Variants in PLCB1 observed in about 807,000 individuals in gnomAD.
PLCB1 encodes 1-phosphatidylinositol 4,5-bisphosphate phosphodiesterase beta-1.
A neutral mutation model predicts 161.8 loss-of-function variants in PLCB1; 46 were observed. The observed-to-expected ratio is 0.28, with a 90% CI of 0.22 to 0.36. PLCB1 has a LOEUF of 0.36. PLCB1 is among the 10% of genes least tolerant of loss of function. The pLI is 1.00. For missense variants in PLCB1, 1,016 were observed against 1,472.5 expected, an observed-to-expected ratio of 0.69 and a Z score of 5.07; for synonymous variants, 517 against 503.7, an observed-to-expected ratio of 1.03 and a Z score of -0.35.
At chr20:8,774,454 C>T (rs1982844541) in intron 26 of PLCB1, 85 bp from the exon 27 acceptor site, 1 of 1,328,476 alleles carries the variant, frequency 7.5e-7, no homozygotes. Context: ...AGAGAACTTT[C>T]TCTAGGAGGA....
intron 3 of PLCB1, among the ~76,000 whole-genome samples, chr20:8,618,676 T>C (rs924895530): frequency 3.3e-5 from 5 of 152,190 alleles, no homozygotes; most frequent in African/African-American, 7.2e-5. Flanking sequence ...TGTGTTTTGA[T>C]GGATCAATAG....
intron 2 of PLCB1, among the ~76,000 whole-genome samples, chr20:8,258,842 G>A (rs936301450): frequency 6.6e-6 from 1 of 151,964 alleles, no homozygotes; most frequent in Non-Finnish European, 1.5e-5. Flanking sequence ...AAAGGTACCT[G>A]TATGTGTCTA....
intron 3 of PLCB1, among the ~76,000 whole-genome samples, chr20:8,498,565 T>G (rs73899113): frequency 0.03 from 4,631 of 152,190 alleles, 237 homozygotes; most frequent in African/African-American, 0.11. Context: ...GATCACAATC[T>G]CAAGGCGGCG....
At chr20:8,531,082 A>G (rs1013333031) in intron 3 of PLCB1, among the ~76,000 whole-genome samples, 2 of 152,110 alleles carry the variant, frequency 1.3e-5, no homozygotes, top group African/African-American at 4.8e-5. Context: ...AAATTAAACT[A>G]GATTTAGAAG....
intron 3 of PLCB1, among the ~76,000 whole-genome samples, chr20:8,487,515 G>A (rs1244517794): frequency 6.6e-6 from 1 of 152,130 alleles, no homozygotes; most frequent in Non-Finnish European, 1.5e-5. Flanking sequence ...GTGTAGAAGG[G>A]TTTTCAAGAA....
intron 12 of PLCB1, among the ~76,000 whole-genome samples, chr20:8,714,116 C>A (rs6133610): frequency 1.3e-5 from 2 of 151,976 alleles, no homozygotes; most frequent in African/African-American, 4.8e-5. Flanking sequence ...CTTAATCAAT[C>A]GCAGTGGTTT....
intron 3 of PLCB1, among the ~76,000 whole-genome samples, chr20:8,469,472 A>G (rs1415985063): frequency 2.0e-5 from 3 of 152,130 alleles, no homozygotes; most frequent in Non-Finnish European, 4.4e-5. Context: ...TGTTTTAACC[A>G]TCGTTATTTA....
rs796378521 is a variant in PLCB1 at position 8,457,714 on chromosome 20, G to A, written c.246+86264G>A. ...CTACTTATACCCCTAATGTGTGCGC[G>A]CACACACACACACACACACACACAC... On this transcript the variant is annotated intron_variant, in intron 3 of 31. Transcript: ENST00000338037. Among the ~76,000 whole-genome samples, 371 of 145,854 alleles carry A rather than the reference G, an allele frequency of 2.5e-3. 1 individual carries two copies. Among genetic ancestry groups the A allele is most frequent in the African/African-American group, 8.8e-3 (345 of 39,274 alleles).
At chr20:8,268,999 CT>C (rs1982131257) in intron 2 of PLCB1, among the ~76,000 whole-genome samples, 1 of 152,152 alleles carries the variant, frequency 6.6e-6, no homozygotes, top group South Asian at 2.1e-4. Flanking sequence ...GGGACATCAA[CT>C]TTGCTTCAGA....
At chr20:8,275,250 A>AGAGTGTGTGT (rs369863898) in intron 2 of PLCB1, among the ~76,000 whole-genome samples, 1 of 145,372 alleles carries the variant, frequency 6.9e-6, no homozygotes, top group African/African-American at 2.6e-5. Context: ...CATCAGCGTG[A>AGAGTGTGTGT]GTGTGTGTGT....
intron 31 of PLCB1, among the ~76,000 whole-genome samples, chr20:8,803,193 A>G (rs1436727190): frequency 6.6e-6 from 1 of 151,712 alleles, no homozygotes; most frequent in African/African-American, 2.4e-5. Context: ...TTACTTGGAC[A>G]TCCTGTTAAA....
intron 3 of PLCB1, among the ~76,000 whole-genome samples, chr20:8,445,095 G>T (rs1385263451): frequency 5.3e-5 from 8 of 152,032 alleles, no homozygotes; most frequent in Non-Finnish European, 1.2e-4. Context: ...CATTGCTTTT[G>T]GTGTTTTAGA....
rs568285067 is a variant in PLCB1 at position 8,428,071 on chromosome 20, A to G, written c.246+56621A>G. On this transcript the variant is annotated intron_variant, in intron 3 of 31. Coordinates refer to ENST00000338037, the MANE Select transcript of PLCB1 (RefSeq NM_015192.4). ...GATTAATTTTATAAAGTTTATAGGGATGGTTTCAAAACAAAGGAAAACAGA... is the reference window on the plus strand; with the variant it reads ...GATTAATTTTATAAAGTTTATAGGGGTGGTTTCAAAACAAAGGAAAACAGA... Among the ~76,000 whole-genome samples, 14 of 152,272 alleles carry G rather than the reference A, an allele frequency of 9.2e-5. No individual in the cohort carries two copies. The East Asian group carries it at 2.7e-3, about 29-fold the overall frequency.
chr20:8,211,742 C>A (rs912716055), intron 2 of PLCB1, among the ~76,000 whole-genome samples: 2 of 152,056 alleles, frequency 1.3e-5, no homozygotes, highest in African/African-American at 2.4e-5. Context: ...TTTCTCTTAA[C>A]ATCTATTGCA....
At chr20:8,405,370 A>G (rs548260585) in intron 3 of PLCB1, among the ~76,000 whole-genome samples, 1 of 152,308 alleles carries the variant, frequency 6.6e-6, no homozygotes, top group East Asian at 1.9e-4. Flanking sequence ...AAAGCAGAAC[A>G]GTAAGAGACA....
chr20:8,739,196 C>G, intron 20 of PLCB1, 65 bp from the exon 21 acceptor site: 4 of 979,350 alleles, frequency 4.1e-6, no homozygotes, highest in South Asian at 3.8e-5. Context: ...TGAATAATAC[C>G]TTTCTAATTA....
intron 3 of PLCB1, among the ~76,000 whole-genome samples, chr20:8,376,789 A>G (rs191029790): frequency 1.2e-3 from 182 of 152,074 alleles, no homozygotes; most frequent in Admixed American, 2.2e-3. Context: ...TTAGCTGGGC[A>G]TGGTGGCAGG....
intron 3 of PLCB1, among the ~76,000 whole-genome samples, chr20:8,585,100 C>T (rs182628190): frequency 2.2e-4 from 33 of 152,280 alleles, no homozygotes; most frequent in Admixed American, 5.2e-4. Context: ...TTGCCCATGC[C>T]ATGGCCAGGG....
intron 2 of PLCB1, among the ~76,000 whole-genome samples, chr20:8,304,074 G>A (rs1455948701): frequency 6.6e-6 from 1 of 152,194 alleles, no homozygotes; most frequent in Non-Finnish European, 1.5e-5. Context: ...CTGTAAGGGG[G>A]TAGTTGGTAT....
Sources: gnomAD v4.1 joint callset for allele counts (sites outside exome capture counted in the v4.1 genomes callset) on GRCh38, gnomAD v4.1.1 for gene constraint, MANE v1.5 for transcripts, NCBI Gene and HGNC (gene_info 2026-07-23, HGNC 2026-07-21) for gene names.